SNAP23: variants seen among roughly 807,000 people sequenced by gnomAD.
SNAP23 encodes synaptosomal-associated protein 23.
A neutral mutation model predicts 29.0 loss-of-function variants in SNAP23; 11 were observed. The ratio of observed to expected loss-of-function variants is 0.38; its 90% confidence interval spans 0.24 to 0.63. SNAP23 has a LOEUF of 0.63. SNAP23 is among the 20% of genes least tolerant of loss of function. The pLI is 0.58. For missense variants in SNAP23, 220 were observed against 253.9 expected (o/e 0.87, Z 0.91); for synonymous variants, 60 against 82.9 (o/e 0.72, Z 1.50).
At chr15:42,506,095 A>T (rs553275097) in intron 1 of SNAP23, among the ~76,000 whole-genome samples, 7 of 149,670 alleles carry the variant, frequency 4.7e-5, no homozygotes, top group African/African-American at 7.4e-5. Context: ...ACAGGCGCCC[A>T]CCACCACACC....
chr15:42,526,289 T>C lies in SNAP23; in HGVS notation c.267-1973T>C, dbSNP rs535227403. On this transcript the variant is annotated intron_variant, in intron 5 of 7. Coordinates refer to ENST00000249647, the MANE Select transcript of SNAP23 (RefSeq NM_003825.4). Reference sequence around the variant, plus strand: ...CATGTGAATATTTATTTTAAAAATATATATCCTACCTTGTTCCAAGAAAAA... The same window carrying C: ...CATGTGAATATTTATTTTAAAAATACATATCCTACCTTGTTCCAAGAAAAA... Among the ~76,000 whole-genome samples the C allele has an allele frequency of 3.3e-5, 5 of 152,356 alleles. No homozygotes were observed. In the South Asian group the frequency reaches 8.3e-4, roughly 25 times the overall value.
chr15:42,496,741 A>G (rs1377292120), intron 1 of SNAP23, among the ~76,000 whole-genome samples: 2 of 152,028 alleles, frequency 1.3e-5, no homozygotes, highest in Non-Finnish European at 2.9e-5. Context: ...AGCAAAAGAA[A>G]TACTCGAGAC....
intron 1 of SNAP23, among the ~76,000 whole-genome samples, chr15:42,507,618 C>G (rs1044955608): frequency 6.6e-6 from 1 of 152,162 alleles, no homozygotes; most frequent in Admixed American, 6.5e-5. Flanking sequence ...GTTCTCTTTT[C>G]TGTAATATTC....
intron 5 of SNAP23, among the ~76,000 whole-genome samples, chr15:42,522,553 A>C (rs1356302797): frequency 6.6e-6 from 1 of 151,604 alleles, no homozygotes; most frequent in African/African-American, 2.4e-5. Flanking sequence ...TTCTTTTCTT[A>C]GTTTGACTAT....
intron 5 of SNAP23, 115 bp downstream of exon 5, chr15:42,515,469 C>CTAA (rs975381161): frequency 3.1e-6 from 2 of 644,466 alleles, no homozygotes; most frequent in Admixed American, 5.4e-5. Flanking sequence ...TTAGATAAAT[C>CTAA]TAAGTTGTCT....
At chr15:42,504,335 C>G (rs185529265) in intron 1 of SNAP23, among the ~76,000 whole-genome samples, 1 of 151,780 alleles carries the variant, frequency 6.6e-6, no homozygotes, top group African/African-American at 2.4e-5. Context: ...AGCGAGACTC[C>G]GTCTCAAATA....
intron 4 of SNAP23, among the ~76,000 whole-genome samples, chr15:42,514,700 CTT>C (rs869134157): frequency 2.3e-4 from 27 of 115,098 alleles, no homozygotes; most frequent in Non-Finnish European, 2.2e-4. Flanking sequence ...ATACAAGATT[CTT>C]TTTTTTTTTT....
chr15:42,515,517 C>T (rs923471573), intron 5 of SNAP23, among the ~76,000 whole-genome samples, 163 bp downstream of exon 5: 2 of 152,124 alleles, frequency 1.3e-5, no homozygotes, highest in Non-Finnish European at 2.9e-5. Flanking sequence ...GTAAATACTG[C>T]GTGTTCACTG....
intron 1 of SNAP23, among the ~76,000 whole-genome samples, chr15:42,496,454 C>T (rs1271743249): frequency 5.3e-5 from 8 of 151,688 alleles, no homozygotes; most frequent in Non-Finnish European, 2.9e-5. Context: ...TGGTGGCTAA[C>T]GCCTGTAATC....
intron 1 of SNAP23, among the ~76,000 whole-genome samples, chr15:42,506,388 T>A (rs1397250179): frequency 1.3e-5 from 2 of 151,714 alleles, no homozygotes; most frequent in African/African-American, 4.8e-5. Context: ...CAGGCACTGG[T>A]CACCACACCT....
chr15:42,525,046 C>T (rs1267243969), intron 5 of SNAP23, among the ~76,000 whole-genome samples: 1 of 152,128 alleles, frequency 6.6e-6, no homozygotes, highest in Non-Finnish European at 1.5e-5. Context: ...TGAAGGTAAA[C>T]ATGCCAACAC....
chr15:42,493,598 C>T (rs1201933785), upstream of SNAP23, among the ~76,000 whole-genome samples: 1 of 152,014 alleles, frequency 6.6e-6, no homozygotes, highest in Non-Finnish European at 1.5e-5. Context: ...CACCTCTGCC[C>T]TCAACAAGTG....
upstream of SNAP23, chr15:42,495,363 A>G (rs1283983449): frequency 6.6e-6 from 1 of 152,272 alleles, no homozygotes; most frequent in Non-Finnish European, 1.5e-5. Flanking sequence ...GATGAAGAGC[A>G]GGGAAAGCAC....
intron 1 of SNAP23, among the ~76,000 whole-genome samples, chr15:42,509,317 ATATCT>A (rs1230275301): frequency 6.6e-6 from 1 of 152,150 alleles, no homozygotes; most frequent in Non-Finnish European, 1.5e-5. Flanking sequence ...TATCTTGATT[ATATCT>A]TAGTGTGGAA....
In SNAP23 at chr15:42,514,085, G is replaced by A. The variant is rs1363508794; in HGVS notation, c.148+638G>A. 2.0e-5 allele frequency among the ~76,000 whole-genome samples: 3 copies of A among 151,938 alleles called. No individual in the cohort carries two copies. The East Asian group carries it at 5.8e-4, about 29-fold the overall frequency. On this transcript the variant is annotated intron_variant, in intron 4 of 7. Coordinates refer to ENST00000249647, the MANE Select transcript of SNAP23 (RefSeq NM_003825.4). The stretch of plus-strand genomic sequence containing the variant: ...CCGCCTTGACCTCCCAAAGTGCTGG[G>A]ATTACAGGTGTGAGCCACCGTGCCG...
Position 42,532,464 on chromosome 15 carries a change from T to C in SNAP23, c.*986T>C, listed in dbSNP as rs1181560003. On this transcript the variant is annotated 3_prime_UTR_variant, in exon 8 of 8. Transcript: ENST00000249647. ...ATAAATCTGTGATCCCATTTCTTAT[T>C]GCACCATTCAGGAACACTTTATATA... 1 of 152,312 alleles carries C rather than the reference T, an allele frequency of 6.6e-6. No individual in the cohort carries two copies. Among genetic ancestry groups the C allele is most frequent in the Admixed American group, 6.5e-5 (1 of 15,282 alleles). 9.4% of individuals were successfully genotyped at this position (152,312 alleles called of 1,614,324 possible). A position where few individuals can be genotyped will look rare whatever the true frequency, so the allele number is the denominator to read the frequency against.
rs1355529937 is a variant in SNAP23 at position 42,529,735 on chromosome 15, C to T, written c.486C>T (p.Ile162=). 1.2e-6 allele frequency: 2 copies of T among 1,613,938 alleles called. No individual in the cohort carries two copies. Among genetic ancestry groups the T allele is most frequent in the Non-Finnish European group, 1.7e-6 (2 of 1,179,978 alleles). The change falls in exon 7 of 8, where the codon ATC becomes ATT. Residue 162 remains isoleucine (I), a synonymous_variant. Coordinates refer to ENST00000249647, the MANE Select transcript of SNAP23 (RefSeq NM_003825.4). The stretch of plus-strand genomic sequence containing the variant: ...AGAACCTGACTCAAGTGGGCAGTAT[C>T]CTGGGAAATCTAAAAGACATGGCCC... ...MEENLTQVGS[I]LGNLKDMALN...
At chr15:42,520,751 C>T (rs1286385002) in intron 5 of SNAP23, among the ~76,000 whole-genome samples, 1 of 152,216 alleles carries the variant, frequency 6.6e-6, no homozygotes. Flanking sequence ...GCCTTGGCCT[C>T]CCAAAGTGTT....
Position 42,531,808 on chromosome 15 carries a change from A to G in SNAP23, c.*330A>G. 5.2e-6 allele frequency: 1 copy of G among 190,772 alleles called. No homozygotes were observed. Among genetic ancestry groups the G allele is most frequent in the Middle Eastern group, 2.0e-3 (1 of 488 alleles). 11.8% of individuals were successfully genotyped at this position (190,772 alleles called of 1,614,324 possible). On this transcript the variant is annotated 3_prime_UTR_variant, in exon 8 of 8. Transcript: ENST00000249647. ...AGCATTGCCAAAGACAGCCATGAAGAAGGAAGCTGTAGAGGTGTTTTTTGT... is the reference window on the plus strand; with the variant it reads ...AGCATTGCCAAAGACAGCCATGAAGGAGGAAGCTGTAGAGGTGTTTTTTGT...
Sources: gnomAD v4.1 joint callset for allele counts (sites outside exome capture counted in the v4.1 genomes callset) on GRCh38, gnomAD v4.1.1 for gene constraint, MANE v1.5 for transcripts, NCBI Gene and HGNC (gene_info 2026-07-23, HGNC 2026-07-21) for gene names.